Variants in PRELID2 observed in about 807,000 individuals in gnomAD.
The protein encoded by PRELID2 is PRELI domain-containing protein 2.
A neutral mutation model predicts 28.4 loss-of-function variants in PRELID2; 25 were observed. The observed-to-expected ratio is 0.88, with a 90% CI of 0.64 to 1.23. PRELID2 has a LOEUF of 1.23. Ranked by LOEUF, PRELID2 falls within the 50% of genes most tolerant of loss-of-function variation. The pLI is 0.00. For missense variants in PRELID2, 201 were observed against 214.4 expected (o/e 0.94, Z 0.39); for synonymous variants, 76 against 71.6 (o/e 1.06, Z -0.31).
chr5:145,487,522 T>C (rs1239192801), intron 1 of PRELID2, among the ~76,000 whole-genome samples: 55 of 152,146 alleles, frequency 3.6e-4, no homozygotes, highest in African/African-American at 2.4e-5. Flanking sequence ...GATAGAAGTA[T>C]ATAACTTGAG....
At chr5:145,387,647 C>G in the PRELID2 span, among the ~76,000 whole-genome samples, 1 of 152,110 alleles carries the variant, frequency 6.6e-6, no homozygotes, top group African/African-American at 2.4e-5. Context: ...TAAAGACAAA[C>G]TAGGCTGAGC....
the PRELID2 span, among the ~76,000 whole-genome samples, chr5:145,419,967 G>A: frequency 6.6e-6 from 1 of 151,768 alleles, no homozygotes; most frequent in South Asian, 2.1e-4. Flanking sequence ...AGTTTTCCCA[G>A]CACCATTTAT....
rs547761553 is a variant in PRELID2, at chr5:145,653,326, T to C, written n.70+111605A>G. Among the ~76,000 whole-genome samples the C allele has an allele frequency of 7.6e-4, 116 of 152,244 alleles. 2 individuals are homozygous for C. The highest frequency in any genetic ancestry group is 2.7e-3 in the African/African-American group (112 of 41,540). On this transcript the variant is annotated intron_variant and non_coding_transcript_variant, in intron 1 of 2. Transcript: ENST00000510259. ...GGAGACTTTAACACCCCACTGTCAA[T>C]ATTAGACAGATCAACAAGACAGAAA...
intron 1 of PRELID2, 69 bp from the exon 2 acceptor site, chr5:145,823,203 A>T (rs1409571837): frequency 3.9e-6 from 3 of 776,144 alleles, no homozygotes; most frequent in Non-Finnish European, 6.8e-6. Context: ...AGAAGTAACC[A>T]CAGCTGTCTG....
At chr5:145,295,614 T>G in the PRELID2 span, among the ~76,000 whole-genome samples, 1 of 152,094 alleles carries the variant, frequency 6.6e-6, no homozygotes, top group Admixed American at 6.6e-5. Flanking sequence ...TGAATCATTG[T>G]TTTGTAGAAT....
At chr5:145,244,681 G>T in the PRELID2 span, among the ~76,000 whole-genome samples, 2 of 151,894 alleles carry the variant, frequency 1.3e-5, no homozygotes, top group Admixed American at 6.6e-5. Flanking sequence ...TAGCAGGGAA[G>T]GTCTTAAATG....
intron 1 of PRELID2, among the ~76,000 whole-genome samples, chr5:145,619,243 G>T (rs1753741529): frequency 6.6e-6 from 1 of 152,174 alleles, no homozygotes; most frequent in Non-Finnish European, 1.5e-5. Flanking sequence ...AAGTTCAAAA[G>T]CTACAAGACT....
At chr5:145,770,848 T>G (rs977168273) in intron 5 of PRELID2, among the ~76,000 whole-genome samples, 8 of 152,246 alleles carry the variant, frequency 5.3e-5, no homozygotes, top group Non-Finnish European at 1.0e-4. Context: ...AAGCTAACGG[T>G]TATAACAAAA....
chr5:145,724,601 AT>A (rs1756082412), intron 1 of PRELID2, among the ~76,000 whole-genome samples: 3 of 6,458 alleles, frequency 4.6e-4, no homozygotes, highest in African/African-American at 3.7e-3. Flanking sequence ...AAGTAAATAA[AT>A]ATATATATAT....
At chr5:145,341,092 C>G in the PRELID2 span, among the ~76,000 whole-genome samples, 3 of 151,588 alleles carry the variant, frequency 2.0e-5, no homozygotes, top group Non-Finnish European at 4.4e-5. Flanking sequence ...ATATATAGAT[C>G]TTCAGGGAAA....
At chr5:145,644,386 A>G (rs1418256870) in intron 1 of PRELID2, among the ~76,000 whole-genome samples, 1 of 150,574 alleles carries the variant, frequency 6.6e-6, no homozygotes, top group African/African-American at 2.4e-5. Flanking sequence ...TATTGCATCT[A>G]TTTGATTCTT....
the PRELID2 span, chr5:145,229,809 G>C: frequency 1.3e-6 from 1 of 759,372 alleles, no homozygotes; most frequent in Admixed American, 1.7e-5. Flanking sequence ...CCCTGAGTGT[G>C]AATTTGTCCG....
intron 1 of PRELID2, among the ~76,000 whole-genome samples, chr5:145,583,932 A>G (rs1191569759): frequency 6.6e-6 from 1 of 152,164 alleles, no homozygotes; most frequent in East Asian, 1.9e-4. Context: ...GAATTAGAAA[A>G]TTCTATTTTA....
the PRELID2 span, among the ~76,000 whole-genome samples, chr5:145,403,489 G>A: frequency 2.6e-5 from 4 of 152,168 alleles, no homozygotes; most frequent in Non-Finnish European, 4.4e-5. Flanking sequence ...GGCCTGGTTC[G>A]GAGGTCTCCC....
the PRELID2 span, among the ~76,000 whole-genome samples, chr5:145,293,570 T>A: frequency 6.6e-6 from 1 of 152,170 alleles, no homozygotes; most frequent in African/African-American, 2.4e-5. Flanking sequence ...AACCACTTTG[T>A]CATTTTCTAG....
At chr5:145,624,406 C>T (rs542521699) in intron 1 of PRELID2, among the ~76,000 whole-genome samples, 16 of 152,264 alleles carry the variant, frequency 1.1e-4, no homozygotes, top group African/African-American at 3.9e-4. Context: ...GCAAGCAGCC[C>T]CTATCCTGAA....
At chr5:145,807,491 T>C (rs906973994) in intron 4 of PRELID2, among the ~76,000 whole-genome samples, 11 of 152,064 alleles carry the variant, frequency 7.2e-5, no homozygotes, top group African/African-American at 2.7e-4. Context: ...TCTTATTAAG[T>C]CTTCACATCA....
intron 1 of PRELID2, among the ~76,000 whole-genome samples, chr5:145,499,037 C>T (rs1386151390): frequency 6.6e-6 from 1 of 151,806 alleles, no homozygotes; most frequent in African/African-American, 2.4e-5. Flanking sequence ...ATATAGAGGC[C>T]AGGAGTTTGA....
At chr5:145,433,007 C>A in the PRELID2 span, among the ~76,000 whole-genome samples, 1 of 152,102 alleles carries the variant, frequency 6.6e-6, no homozygotes, top group Non-Finnish European at 1.5e-5. Context: ...AACTCCATAT[C>A]TTTATACAGA....
Sources: gnomAD v4.1 joint callset for allele counts (sites outside exome capture counted in the v4.1 genomes callset) on GRCh38, gnomAD v4.1.1 for gene constraint, MANE v1.5 for transcripts, NCBI Gene and HGNC (gene_info 2026-07-23, HGNC 2026-07-21) for gene names.